DIPK1C: variants seen among roughly 807,000 people sequenced by gnomAD.
DIPK1C encodes divergent protein kinase domain 1C, also known as familial non-conventional Alzheimer's dementia.
In DIPK1C, 33 loss-of-function variants were observed where a neutral mutation model predicts 28.0. The ratio of observed to expected loss-of-function variants is 1.18; its 90% CI spans 0.89 to 1.58. The LOEUF is 1.58. Ranked by LOEUF, DIPK1C falls within the 40% of genes most tolerant of loss-of-function variation. The pLI, the probability that DIPK1C is intolerant of heterozygous loss-of-function variation, is 0.00. For missense variants in DIPK1C, 569 were observed against 568.5 expected (o/e 1.00, Z -0.01); for synonymous variants, 255 against 248.8 (o/e 1.02, Z -0.23).
At chr18:74,463,301 C>T in the DIPK1C span, among the ~76,000 whole-genome samples, 3 of 152,152 alleles carry the variant, frequency 2.0e-5, no homozygotes, top group South Asian at 4.1e-4. Context: ...TTTTGCGATG[C>T]TTTTGTTGTT....
intron 2 of DIPK1C, among the ~76,000 whole-genome samples, chr18:74,446,399 C>T (rs981568283): frequency 2.0e-5 from 3 of 152,188 alleles, no homozygotes; most frequent in Non-Finnish European, 2.9e-5. Context: ...CTGTGGGCTC[C>T]GTTCATTCAG....
Position 74,442,005 on chromosome 18 carries a change from A to G in DIPK1C, c.988T>C (p.Cys330Arg). 6.2e-7 allele frequency: 1 copy of G among 1,614,172 alleles called. No individual in the cohort carries two copies. Among genetic ancestry groups the G allele is most frequent in the Non-Finnish European group, 8.5e-7 (1 of 1,180,024 alleles). ...DCNFFDCFSR[C>R]DLRVNKCGAQ... ...CCGCATTTGTTGACTCGTAAATCAC[A>G]TCTTGAAAAACAGTCAAAGAAATTG... Residue 330 changes from cysteine to arginine, a missense_variant, in exon 3 of 4, where the codon TGT becomes CGT. Cys to Arg is a radical substitution (Grantham distance 180, BLOSUM62 -3). Transcript: ENST00000343998.
intron 3 of DIPK1C, among the ~76,000 whole-genome samples, chr18:74,438,657 T>C (rs1279952431): frequency 6.6e-6 from 1 of 152,262 alleles, no homozygotes; most frequent in African/African-American, 2.4e-5. Context: ...TTTTGGCCTT[T>C]GTTGTGTTCA....
At chr18:74,437,221 G>A (rs1986018144) in intron 3 of DIPK1C, among the ~76,000 whole-genome samples, 1 of 152,216 alleles carries the variant, frequency 6.6e-6, no homozygotes, top group Non-Finnish European at 1.5e-5. Context: ...GTGCGTGAGG[G>A]AGAAGTGTGT....
Position 74,436,578 on chromosome 18 carries a change from C to T in DIPK1C, c.1183G>A (p.Ala395Thr). ...PGVPSGNTRR[A>T]ASSVFWKLRQ... ...AGCTTCCAGAACACGCTGGAGGCTGCTCTCCGGGTGTTCCCACTGGGGACC... is the reference window on the plus strand; with the variant it reads ...AGCTTCCAGAACACGCTGGAGGCTGTTCTCCGGGTGTTCCCACTGGGGACC... The change falls in exon 4 of 4, where the codon GCA (alanine) becomes ACA (threonine). Residue 395 changes from alanine to threonine, a missense_variant. Ala to Thr is a moderately conservative substitution (Grantham distance 58, BLOSUM62 0). Coordinates refer to ENST00000343998, the MANE Select transcript of DIPK1C (RefSeq NM_001044369.3). 2 of 1,612,046 alleles carry T rather than the reference C, an allele frequency of 1.2e-6. No individual in the cohort carries two copies. The highest frequency in any genetic ancestry group is 8.5e-7 in the Non-Finnish European group (1 of 1,179,704).
In DIPK1C at chr18:74,446,719, C is replaced by T. The variant is rs1419254851; in HGVS notation, c.763G>A (p.Asp255Asn). ...ATGTCCAAGAAGCTGAGTGCGATGT[C>T]ACTGATGGCCTTGGCCTGGCCACCC... is the stretch of plus-strand genomic sequence containing the variant. Reference protein sequence around the residue: ...PGGGQAKAISDIALSFLDMVN... With the variant: ...PGGGQAKAISNIALSFLDMVN... The change falls in exon 2 of 4, where the codon GAC becomes AAC. Residue 255 changes from aspartate to asparagine, a missense_variant. Transcript: ENST00000343998. 22 of 1,542,796 alleles carry T rather than the reference C, an allele frequency of 1.4e-5. No individual in the cohort carries two copies. Among genetic ancestry groups the T allele is most frequent in the Non-Finnish European group, 2.6e-6 (3 of 1,142,564 alleles).
At chr18:74,458,238 G>A (rs1986562221), upstream of DIPK1C, among the ~76,000 whole-genome samples, 1 of 152,148 alleles carries the variant, frequency 6.6e-6, no homozygotes. Context: ...TGTCACAGCT[G>A]AGGGGCTGTG....
upstream of DIPK1C, among the ~76,000 whole-genome samples, chr18:74,462,477 G>A (rs1033218111): frequency 6.6e-5 from 10 of 152,248 alleles, no homozygotes; most frequent in East Asian, 1.9e-4. Context: ...AGTGTTATCC[G>A]CTCTTCAGTT....
At chr18:74,442,199 C>T (rs897381350) in intron 2 of DIPK1C, 83 bp from the exon 3 acceptor site, 206 of 1,511,748 alleles carry the variant, frequency 1.4e-4, no homozygotes, top group Non-Finnish European at 1.7e-4. Flanking sequence ...TTCTGTTCAC[C>T]TCGTGCGGGT....
Position 74,445,449 on chromosome 18 carries a change from G to A in DIPK1C, c.876+1157C>T, listed in dbSNP as rs78477307. Reference sequence around the variant, plus strand: ...TAGGACAAAGCACTGAGGGTAAGATGTATGATGCCCTTCACAGGCATGAGG... The same window carrying A: ...TAGGACAAAGCACTGAGGGTAAGATATATGATGCCCTTCACAGGCATGAGG... On this transcript the variant is annotated intron_variant, in intron 2 of 3. Coordinates refer to ENST00000343998, the MANE Select transcript of DIPK1C (RefSeq NM_001044369.3). 1.2e-4 allele frequency among the ~76,000 whole-genome samples: 18 copies of A among 152,366 alleles called. No homozygotes were observed. The East Asian group carries it at 3.5e-3, about 29-fold the overall frequency.
intron 3 of DIPK1C, among the ~76,000 whole-genome samples, chr18:74,439,284 A>G (rs1042548912): frequency 6.6e-6 from 1 of 152,072 alleles, no homozygotes; most frequent in African/African-American, 2.4e-5. Context: ...GCCATCTGGA[A>G]TCTAGTCTGA....
chr18:74,457,187 G>C lies in DIPK1C; in HGVS notation c.73C>G (p.Leu25Val). The C allele has an allele frequency of 1.6e-6, 2 of 1,252,110 alleles. No homozygotes were observed. Among genetic ancestry groups the C allele is most frequent in the Admixed American group, 4.4e-5 (1 of 22,930 alleles). 77.6% of individuals were successfully genotyped at this position (1,252,110 alleles called of 1,614,324 possible). A position where few individuals can be genotyped will look rare whatever the true frequency, so the allele number is the denominator to read the frequency against. ...GCGGTCCACGCGGCGAAGGCGAGGA[G>C]CGTGCCCCGCCCGCAGCGCCCGCGC... ...RRRGRCGRGT[L>V]LAFAAWTAGW... The change falls in exon 1 of 4, where the codon CTC becomes GTC. Residue 25 changes from leucine to valine, a missense_variant. Physicochemically the swap from Leu to Val is conservative, Grantham distance 32. Transcript: ENST00000343998.
chr18:74,459,089 C>T (rs1370816912), upstream of DIPK1C, among the ~76,000 whole-genome samples: 1 of 152,214 alleles, frequency 6.6e-6, no homozygotes, highest in Non-Finnish European at 1.5e-5. Flanking sequence ...GACAACAGAA[C>T]GAGACCCTGT....
intron 1 of DIPK1C, among the ~76,000 whole-genome samples, chr18:74,456,135 G>T (rs12454720): frequency 0.49 from 74,213 of 151,900 alleles, 18,431 homozygotes; most frequent in Middle Eastern, 0.57. Flanking sequence ...ATGAATAATC[G>T]CTTAAGAAGT....
At position 74,435,692 on chromosome 18, in the gene DIPK1C, C is replaced by T. The variant is rs1007236465; in HGVS notation, c.*809G>A. 1.3e-5 allele frequency: 2 copies of T among 152,192 alleles called. No individual in the cohort carries two copies. The highest frequency in any genetic ancestry group is 2.9e-5 in the Non-Finnish European group (2 of 68,030). The allele number at this position is 152,192 out of a possible 1,614,324, so 9.4% of individuals were successfully genotyped here. A position where few individuals can be genotyped will look rare whatever the true frequency, so the allele number is the denominator to read the frequency against. ...TGAAAAATACTATAAGCTGCCGTTA[C>T]ACACGCTCTCCAATGCAAATTCCCT... On this transcript the variant is annotated 3_prime_UTR_variant, in exon 4 of 4. Transcript: ENST00000343998.
At chr18:74,443,685 C>T (rs1455190121) in intron 2 of DIPK1C, among the ~76,000 whole-genome samples, 1 of 152,124 alleles carries the variant, frequency 6.6e-6, no homozygotes, top group Non-Finnish European at 1.5e-5. Context: ...GTGCTGTAAA[C>T]AACTTCTCAT....
At chr18:74,460,326 C>T (rs2078607759), upstream of DIPK1C, among the ~76,000 whole-genome samples, 1 of 152,176 alleles carries the variant, frequency 6.6e-6, no homozygotes, top group African/African-American at 2.4e-5. Context: ...AGTTCCAAAA[C>T]ATTATGTTCC....
intron 1 of DIPK1C, among the ~76,000 whole-genome samples, chr18:74,451,125 A>G (rs560240644): frequency 3.6e-4 from 55 of 152,312 alleles, no homozygotes; most frequent in African/African-American, 1.3e-3. Context: ...GCGAATTAGA[A>G]GTCTGCCTTA....
Position 74,447,285 on chromosome 18 carries a change from T to G in DIPK1C, c.199-2A>C. On this transcript the variant is annotated splice_acceptor_variant, in intron 1 of 3. Coordinates refer to ENST00000343998, the MANE Select transcript of DIPK1C (RefSeq NM_001044369.3). LOFTEE classifies it high-confidence loss of function. The surrounding 1 kb of genome is among the most constrained non-coding windows in gnomAD (Gnocchi z 4.1). ...CGTGCCGCCCTGGTAGTCCTGGCAC[T>G]GGAAGGAAGGGAACAGTCGGTCACC... The G allele has an allele frequency of 6.6e-7, 1 of 1,525,654 alleles. No homozygotes were observed. The highest frequency in any genetic ancestry group is 8.8e-7 in the Non-Finnish European group (1 of 1,133,630). The allele number at this position is 1,525,654 out of a possible 1,614,324, so 94.5% of individuals were successfully genotyped here. A position where few individuals can be genotyped will look rare whatever the true frequency, so the allele number is the denominator to read the frequency against.
Sources: gnomAD v4.1 joint callset for allele counts (sites outside exome capture counted in the v4.1 genomes callset) on GRCh38, gnomAD v4.1.1 for gene constraint, Gnocchi (gnomAD v3.1) non-coding constraint, MANE v1.5 for transcripts, NCBI Gene and HGNC (gene_info 2026-07-23, HGNC 2026-07-21) for gene names.